Variants in PRKN observed in about 807,000 individuals in gnomAD.
PRKN encodes E3 ubiquitin-protein ligase parkin.
In PRKN, 56 loss-of-function variants were observed where a neutral mutation model predicts 59.5. That is an observed-to-expected ratio of 0.94 (90% CI 0.76 to 1.18). The LOEUF (loss-of-function observed/expected upper bound fraction) is 1.18. Among genes scored for constraint, PRKN ranks in the 50% most tolerant of loss-of-function variants. PRKN has a pLI of 0.00. For missense variants in PRKN, 657 were observed against 596.4 expected (o/e 1.10, Z -1.06); for synonymous variants, 250 against 222.1 (o/e 1.13, Z -1.12).
chr6:162,509,828 C>T (rs899163445), intron 1 of PRKN, among the ~76,000 whole-genome samples: 9 of 152,110 alleles, frequency 5.9e-5, no homozygotes, highest in African/African-American at 1.9e-4. Context: ...AAAGGCAATT[C>T]CCACTCCTGC....
At chr6:162,436,151 A>G (rs6899470) in intron 2 of PRKN, among the ~76,000 whole-genome samples, 49,967 of 124,288 alleles carry the variant, frequency 0.4, 11,303 homozygotes, top group African/African-American at 0.64. Context: ...ACTCCAGCCT[A>G]GGCGACAGAG....
chr6:161,584,323 G>A lies in PRKN; in HGVS notation c.872-14907C>T, dbSNP rs1176328795. 6.6e-6 allele frequency among the ~76,000 whole-genome samples: 1 copy of A among 152,096 alleles called. No homozygotes were observed. The highest frequency in any genetic ancestry group is 1.5e-5 in the Non-Finnish European group (1 of 68,026). ...GAGCCCAACCTTTCTATTTCAGCTG[G>A]TGACTCATAGAGCAGTCACCCACAT... On this transcript the variant is annotated intron_variant, in intron 7 of 11. Coordinates refer to ENST00000366898, the MANE Select transcript of PRKN (RefSeq NM_004562.3). The surrounding 1 kb of genome is among the most constrained non-coding windows in gnomAD (Gnocchi z 4.8).
chr6:161,976,542 G>C (rs1781040865), intron 5 of PRKN, among the ~76,000 whole-genome samples: 1 of 152,180 alleles, frequency 6.6e-6, no homozygotes, highest in Admixed American at 6.5e-5. Context: ...TTGTTTTCCT[G>C]AACATAGGAT....
At chr6:162,012,520 ACACTT>A (rs1390188480) in intron 5 of PRKN, among the ~76,000 whole-genome samples, 3 of 152,092 alleles carry the variant, frequency 2.0e-5, no homozygotes, top group African/African-American at 7.2e-5. Flanking sequence ...TTACCCCTAA[ACACTT>A]CACTTGGGAT....
At chr6:162,335,160 C>A (rs1201144474) in intron 2 of PRKN, among the ~76,000 whole-genome samples, 1 of 151,742 alleles carries the variant, frequency 6.6e-6, no homozygotes, top group Non-Finnish European at 1.5e-5. Flanking sequence ...ATTATAGGTA[C>A]ACGGCACCAC....
chr6:162,310,082 T>C (rs1223715592), intron 2 of PRKN, among the ~76,000 whole-genome samples: 2 of 152,182 alleles, frequency 1.3e-5, no homozygotes, highest in African/African-American at 2.4e-5. Flanking sequence ...ATGGTGTATA[T>C]GTACCACATT....
At chr6:161,770,250 TAGC>T (rs1365801487) in intron 7 of PRKN, among the ~76,000 whole-genome samples, 10 of 152,214 alleles carry the variant, frequency 6.6e-5, no homozygotes, top group African/African-American at 2.2e-4. Context: ...GAACACCCAG[TAGC>T]TTAACCGCAG....
intron 2 of PRKN, among the ~76,000 whole-genome samples, chr6:162,365,579 C>T (rs1266739470): frequency 6.6e-6 from 1 of 152,180 alleles, no homozygotes; most frequent in South Asian, 2.1e-4. Context: ...TCTTCCATGC[C>T]TGGGCTAAGC....
intron 1 of PRKN, among the ~76,000 whole-genome samples, chr6:162,590,912 T>C (rs548374577): frequency 6.6e-6 from 1 of 152,172 alleles, no homozygotes; most frequent in African/African-American, 2.4e-5. Flanking sequence ...GACTATCCTC[T>C]CCAGGCCTCG....
chr6:162,020,874 G>T (rs191263886), intron 5 of PRKN, among the ~76,000 whole-genome samples: 9 of 151,942 alleles, frequency 5.9e-5, no homozygotes, highest in South Asian at 4.2e-4. Flanking sequence ...GGAAGCCAAG[G>T]CGGGCAGACT....
At chr6:162,117,490 C>T (rs1469326898) in intron 4 of PRKN, among the ~76,000 whole-genome samples, 1 of 152,176 alleles carries the variant, frequency 6.6e-6, no homozygotes, top group Non-Finnish European at 1.5e-5. Context: ...CATTTCCAAG[C>T]CAAGTCTCCC....
At chr6:161,370,443 T>G (rs1432585481) in intron 10 of PRKN, among the ~76,000 whole-genome samples, 1 of 133,928 alleles carries the variant, frequency 7.5e-6, no homozygotes, top group Admixed American at 7.3e-5. Context: ...AAAAAAAAAA[T>G]TAGCCGGGCG....
At chr6:161,648,897 C>T (rs1784054178) in intron 7 of PRKN, among the ~76,000 whole-genome samples, 1 of 152,170 alleles carries the variant, frequency 6.6e-6, no homozygotes, top group Admixed American at 6.5e-5. Context: ...GGCAACGTCT[C>T]TTAGGAATAA....
intron 2 of PRKN, among the ~76,000 whole-genome samples, chr6:162,330,482 G>C (rs768484395): frequency 8.5e-5 from 13 of 152,160 alleles, no homozygotes; most frequent in Non-Finnish European, 1.8e-4. Flanking sequence ...TGTTGGTTCA[G>C]CGCATAATTC....
chr6:162,418,535 T>C (rs950122191), intron 2 of PRKN, among the ~76,000 whole-genome samples: 1 of 151,824 alleles, frequency 6.6e-6, no homozygotes, highest in African/African-American at 2.4e-5. Context: ...TCAAAGAGAT[T>C]GCAGAACAAG....
chr6:161,862,764 GC>G (rs145465076), intron 6 of PRKN, among the ~76,000 whole-genome samples: 4,703 of 152,200 alleles, frequency 0.031, 220 homozygotes, highest in African/African-American at 0.1. Context: ...AGGAGTCCAA[GC>G]CATTCAGAGG....
chr6:162,464,160 ATT>A (rs1312361775), intron 1 of PRKN, among the ~76,000 whole-genome samples: 14 of 152,130 alleles, frequency 9.2e-5, no homozygotes, highest in Non-Finnish European at 2.1e-4. Flanking sequence ...GAAATCAATC[ATT>A]GTTTACTTTT....
chr6:162,262,180 A>G (rs1167604914), intron 3 of PRKN, among the ~76,000 whole-genome samples: 1 of 152,178 alleles, frequency 6.6e-6, no homozygotes, highest in Admixed American at 6.5e-5. Flanking sequence ...GTCCTTTCAC[A>G]CTAAGGATGT....
At chr6:162,328,282 C>A (rs1026594170) in intron 2 of PRKN, among the ~76,000 whole-genome samples, 1 of 151,982 alleles carries the variant, frequency 6.6e-6, no homozygotes, top group Non-Finnish European at 1.5e-5. Flanking sequence ...TCACTTGAAC[C>A]CAGGAGACAG....
Sources: allele counts gnomAD v4.1 joint callset (sites outside exome capture counted in the v4.1 genomes callset), GRCh38; gene constraint gnomAD v4.1.1; non-coding constraint Gnocchi (gnomAD v3.1); transcripts MANE v1.5; gene names NCBI Gene and HGNC (gene_info 2026-07-23, HGNC 2026-07-21).